Variants in KHDRBS3 observed in about 807,000 individuals in gnomAD.
KHDRBS3 encodes the protein KH domain-containing, RNA-binding, signal transduction-associated protein 3.
Under a neutral mutation model 45.6 loss-of-function variants are expected in KHDRBS3, and 23 were observed. The observed-to-expected ratio is 0.50, with a 90% CI of 0.36 to 0.72. The LOEUF (loss-of-function observed/expected upper bound fraction) is 0.72. Among genes scored for constraint, KHDRBS3 ranks in the 30% least tolerant of loss-of-function variants. The pLI is 0.00. For missense variants in KHDRBS3, 352 were observed against 424.8 expected, an observed-to-expected ratio of 0.83 and a Z score of 1.51; for synonymous variants, 162 against 156.5, an observed-to-expected ratio of 1.04 and a Z score of -0.26.
At chr8:135,499,451 A>G (rs1823622934) in intron 1 of KHDRBS3, among the ~76,000 whole-genome samples, 1 of 152,188 alleles carries the variant, frequency 6.6e-6, no homozygotes, top group African/African-American at 2.4e-5. Flanking sequence ...CCTTAATGCT[A>G]TTAAAACTCC....
At chr8:135,630,723 A>G (rs1186749750) in intron 7 of KHDRBS3, among the ~76,000 whole-genome samples, 1 of 152,122 alleles carries the variant, frequency 6.6e-6, no homozygotes, top group Non-Finnish European at 1.5e-5. Context: ...GGTGGTCAGT[A>G]TCTGTGTATC....
rs34886021 is a variant in KHDRBS3, at chr8:135,485,842, T to TTATATATATATATATATATATA, written c.88+27894_88+27915dup. ...TGCAGGATTGATTGGCATTTCAAGT[T>TTATATATATATATATATATATA]TATATATATATATATATATATATAT... On this transcript the variant is annotated intron_variant, in intron 1 of 8. Transcript: ENST00000355849. Among the ~76,000 whole-genome samples, 1,134 of 119,844 alleles carry TTATATATATATATATATATATA rather than the reference T, an allele frequency of 9.5e-3. 12 individuals are homozygous for TTATATATATATATATATATATA. Among genetic ancestry groups the TTATATATATATATATATATATA allele is most frequent in the Non-Finnish European group, 0.011 (659 of 60,464 alleles). 78.6% of individuals were successfully genotyped at this position (119,844 alleles called of 152,430 possible).
intron 1 of KHDRBS3, among the ~76,000 whole-genome samples, chr8:135,502,259 A>AT (rs1309813551): frequency 1.3e-5 from 2 of 151,976 alleles, no homozygotes; most frequent in Non-Finnish European, 2.9e-5. Flanking sequence ...GTCCTTCCCA[A>AT]TCTGTCTACC....
chr8:135,567,476 A>C (rs941478403), intron 5 of KHDRBS3, among the ~76,000 whole-genome samples: 2 of 152,246 alleles, frequency 1.3e-5, no homozygotes, highest in African/African-American at 4.8e-5. Context: ...CTGAGCATGT[A>C]GCACCCCGTG....
intron 6 of KHDRBS3, among the ~76,000 whole-genome samples, chr8:135,596,027 T>A (rs1828958343): frequency 2.0e-5 from 3 of 151,960 alleles, no homozygotes; most frequent in Admixed American, 2.0e-4. Context: ...GTTAAAAAAA[T>A]AATAATAACT....
At chr8:135,576,877 A>C (rs1040124078) in intron 5 of KHDRBS3, among the ~76,000 whole-genome samples, 3 of 152,226 alleles carry the variant, frequency 2.0e-5, no homozygotes, top group Non-Finnish European at 4.4e-5. Flanking sequence ...ATTAAGCTAA[A>C]CATGAGTTCA....
rs746552264 is a variant in KHDRBS3, at chr8:135,557,556, A to G, written c.580A>G (p.Thr194Ala). 9.9e-6 allele frequency: 16 copies of G among 1,613,230 alleles called. No individual in the cohort carries two copies. The African/African-American group carries it at 2.0e-4, about 20-fold the overall frequency. The change falls in exon 5 of 9, where the codon ACA becomes GCA. Residue 194 changes from threonine to alanine, a missense_variant. Coordinates refer to ENST00000355849, the MANE Select transcript of KHDRBS3 (RefSeq NM_006558.3). ...GGTTCGAGGGAAACCCACCTTGCGT[A>G]CAAGAGGTGTACCAGCCCCAGCAAT... is the stretch of plus-strand genomic sequence containing the variant. ...PVVRGKPTLRTRGVPAPAITR... is the reference protein window; with the variant it reads ...PVVRGKPTLRARGVPAPAITR...
At chr8:135,645,398 A>G (rs774726581) in intron 8 of KHDRBS3, among the ~76,000 whole-genome samples, 26 of 152,212 alleles carry the variant, frequency 1.7e-4, no homozygotes, top group Non-Finnish European at 2.9e-4. Flanking sequence ...GTAGTTTTTC[A>G]AACTTCAGAC....
At chr8:135,531,830 A>G (rs1359945398) in intron 2 of KHDRBS3, among the ~76,000 whole-genome samples, 1 of 152,180 alleles carries the variant, frequency 6.6e-6, no homozygotes, top group East Asian at 1.9e-4. Flanking sequence ...CGTGTAAATC[A>G]TAAGGAATAT....
chr8:135,581,862 A>G lies in KHDRBS3; in HGVS notation c.612-16A>G. The G allele has an allele frequency of 6.5e-7, 1 of 1,540,930 alleles. No homozygotes were observed. The highest frequency in any genetic ancestry group is 1.4e-5 in the African/African-American group (1 of 73,056). The stretch of plus-strand genomic sequence containing the variant: ...GACTATGATAGATACTGCTAATTTG[A>G]CTCTCTTGGTTACAGGGGAAGGGGA... On this transcript the variant is annotated splice_polypyrimidine_tract_variant and intron_variant, in intron 5 of 8. Transcript: ENST00000355849.
intron 4 of KHDRBS3, among the ~76,000 whole-genome samples, chr8:135,652,955 G>C (rs1202523890): frequency 6.6e-6 from 1 of 152,228 alleles, no homozygotes; most frequent in Non-Finnish European, 1.5e-5. Context: ...ACTAGGTCTT[G>C]TTTGGCCTTA....
At chr8:135,614,524 A>T (rs931729927) in intron 7 of KHDRBS3, among the ~76,000 whole-genome samples, 1 of 151,842 alleles carries the variant, frequency 6.6e-6, no homozygotes, top group African/African-American at 2.4e-5. Context: ...TCCTAGAGTG[A>T]TCATAAACTA....
chr8:135,641,896 T>G (rs1831073266), intron 7 of KHDRBS3, among the ~76,000 whole-genome samples: 1 of 152,238 alleles, frequency 6.6e-6, no homozygotes, highest in Non-Finnish European at 1.5e-5. Context: ...TTTTCTTTTG[T>G]TGTTAGTTTC....
chr8:135,473,428 G>T (rs1382374424), intron 1 of KHDRBS3, among the ~76,000 whole-genome samples: 3 of 152,136 alleles, frequency 2.0e-5, no homozygotes, highest in African/African-American at 7.2e-5. Flanking sequence ...AGATCTTCAT[G>T]TCCTGAATAT....
intron 2 of KHDRBS3, chr8:135,540,183 AG>A (rs772793656): frequency 5.3e-5 from 8 of 152,200 alleles, no homozygotes; most frequent in African/African-American, 1.9e-4. Flanking sequence ...AGAATGGGAG[AG>A]TGGGACAACA....
rs191359580 is a variant in KHDRBS3 at position 135,476,796 on chromosome 8, A to G, written c.88+18842A>G. On this transcript the variant is annotated intron_variant, in intron 1 of 8. Transcript: ENST00000355849. The stretch of plus-strand genomic sequence containing the variant: ...ACTTTTCACATTAGGTGGGTAAAAA[A>G]TATATAAAAATATAGAGTAAGGATA... Among the ~76,000 whole-genome samples, 76 of 152,352 alleles carry G rather than the reference A, an allele frequency of 5.0e-4. 1 individual carries two copies. Among genetic ancestry groups the G allele is most frequent in the African/African-American group, 1.7e-3 (71 of 41,580 alleles).
Position 135,500,017 on chromosome 8 carries a change from C to G in KHDRBS3, c.89-21220C>G, listed in dbSNP as rs1208039262. Reference sequence around the variant, plus strand: ...TATAGGAGTTAAGACTATATAATGGCTATAATTACCTTCAGGAGTTTAAAA... The same window carrying G: ...TATAGGAGTTAAGACTATATAATGGGTATAATTACCTTCAGGAGTTTAAAA... On this transcript the variant is annotated intron_variant, in intron 1 of 8. Transcript: ENST00000355849. Among the ~76,000 whole-genome samples, 3 of 152,248 alleles carry G rather than the reference C, an allele frequency of 2.0e-5. No homozygotes were observed. In the South Asian group the frequency reaches 6.2e-4, roughly 32 times the overall value.
intron 7 of KHDRBS3, among the ~76,000 whole-genome samples, chr8:135,610,701 A>G (rs921262982): frequency 1.3e-5 from 2 of 152,022 alleles, no homozygotes; most frequent in Middle Eastern, 3.4e-3. Flanking sequence ...GAGAAAGTGA[A>G]GGATAAGTAG....
At chr8:135,567,113 A>G (rs1827461948) in intron 5 of KHDRBS3, among the ~76,000 whole-genome samples, 1 of 152,100 alleles carries the variant, frequency 6.6e-6, no homozygotes, top group African/African-American at 2.4e-5. Context: ...GTGGGGTTGG[A>G]GTTGACCACT....
Sources: gnomAD v4.1 joint callset for allele counts (sites outside exome capture counted in the v4.1 genomes callset) on GRCh38, gnomAD v4.1.1 for gene constraint, MANE v1.5 for transcripts, NCBI Gene and HGNC (gene_info 2026-07-23, HGNC 2026-07-21) for gene names.